LIMK1: variants seen among roughly 807,000 people sequenced by gnomAD.
The protein encoded by LIMK1 is LIM domain kinase 1, also known as LIM motif-containing protein kinase.
A neutral mutation model predicts 77.6 loss-of-function variants in LIMK1; 21 were observed. That is an observed-to-expected ratio of 0.27 (90% CI 0.19 to 0.39). The LOEUF (loss-of-function observed/expected upper bound fraction) is 0.39. Ranked by LOEUF, LIMK1 falls within the 10% of genes least tolerant of loss-of-function variation. LIMK1 has a pLI of 1.00. For missense variants in LIMK1, 696 were observed against 901.6 expected (o/e 0.77, Z 2.92); for synonymous variants, 358 against 370.0 (o/e 0.97, Z 0.37).
chr7:74,097,719 T>C (rs1200504032), intron 4 of LIMK1, among the ~76,000 whole-genome samples: 1 of 152,180 alleles, frequency 6.6e-6, no homozygotes, highest in Non-Finnish European at 1.5e-5. Context: ...TGGCCATGAC[T>C]GCAGCATGGT....
intron 12 of LIMK1, 76 bp downstream of exon 12, chr7:74,112,074 C>G: frequency 2.5e-6 from 3 of 1,203,414 alleles, no homozygotes; most frequent in Non-Finnish European, 3.5e-6. Flanking sequence ...CAGGGCCTTC[C>G]CAGAACTGGA....
chr7:74,103,115 A>G (rs1212907851), intron 5 of LIMK1, among the ~76,000 whole-genome samples: 1 of 151,088 alleles, frequency 6.6e-6, no homozygotes, highest in African/African-American at 2.4e-5. Flanking sequence ...TGATCCACCC[A>G]CCTCAGCCTC....
intron 5 of LIMK1, 54 bp from the exon 6 acceptor site, chr7:74,105,821 G>C: frequency 7.3e-7 from 1 of 1,378,238 alleles, no homozygotes; most frequent in Non-Finnish European, 1.0e-6. Context: ...TTGGTTTCCT[G>C]TTGGGGCTCT....
chr7:74,105,801 G>GC (rs1554697313), intron 5 of LIMK1, 74 bp from the exon 6 acceptor site: 1 of 1,005,358 alleles, frequency 9.9e-7, no homozygotes, highest in Admixed American at 1.9e-5. Flanking sequence ...TGGATCTGGT[G>GC]CCCTTCGCCT....
chr7:74,120,163 T>A (rs1799901030), intron 13 of LIMK1, among the ~76,000 whole-genome samples: 1 of 152,164 alleles, frequency 6.6e-6, no homozygotes, highest in Admixed American at 6.6e-5. Context: ...TGCAGTGGCA[T>A]TTGGGGCCCA....
rs890832391 is a variant in LIMK1, at chr7:74,115,846, G to C, written c.1455G>C (p.Met485Ile). The C allele has an allele frequency of 3.0e-5, 48 of 1,614,050 alleles. No homozygotes were observed. The highest frequency in any genetic ancestry group is 3.6e-5 in the Non-Finnish European group (42 of 1,180,040). The change falls in exon 13 of 16, where the codon ATG becomes ATC. Residue 485 changes from methionine to isoleucine, a missense_variant. Physicochemically the swap from Met to Ile is conservative, Grantham distance 10. Transcript: ENST00000336180. Reference sequence around the variant, plus strand: ...CTGACTTCGGGCTGGCGCGTCTCATGGTGGACGAGAAGACTCAGCCTGAGG... The same window carrying C: ...CTGACTTCGGGCTGGCGCGTCTCATCGTGGACGAGAAGACTCAGCCTGAGG... ...VVADFGLARL[M>I]VDEKTQPEGL...
chr7:74,117,133 G>T (rs547003370), intron 13 of LIMK1, among the ~76,000 whole-genome samples: 2 of 151,986 alleles, frequency 1.3e-5, no homozygotes, highest in African/African-American at 4.8e-5. Flanking sequence ...CGCCCGTCTC[G>T]GCCTCCCAAA....
At chr7:74,120,821 C>T (rs1799919909) in intron 14 of LIMK1, 71 bp from the exon 15 acceptor site, 2 of 1,601,320 alleles carry the variant, frequency 1.2e-6, no homozygotes, top group African/African-American at 2.7e-5. Flanking sequence ...TGCCCTCAAA[C>T]CACCTGGATG....
rs868993478 is a variant in LIMK1, at chr7:74,108,758, G to A, written c.1153-147G>A. 102 of 1,294,380 alleles carry A rather than the reference G, an allele frequency of 7.9e-5. No individual in the cohort carries two copies. In the Middle Eastern group the frequency reaches 2.8e-3, roughly 35 times the overall value. 80.2% of individuals were successfully genotyped at this position (1,294,380 alleles called of 1,614,324 possible). ...AAGCAGAGGGCACAGGACGCCAGAG[G>A]GTGTGGCAGAGGCAGGAGAGGGGAG... On this transcript the variant is annotated intron_variant, in intron 9 of 15. Transcript: ENST00000336180.
intron 5 of LIMK1, among the ~76,000 whole-genome samples, chr7:74,099,457 A>G (rs1405772126): frequency 6.6e-6 from 1 of 152,260 alleles, no homozygotes; most frequent in Non-Finnish European, 1.5e-5. Context: ...TCAACCGGGC[A>G]TGGTGGCCCA....
intron 14 of LIMK1, 71 bp downstream of exon 14, chr7:74,120,709 A>C: frequency 6.4e-7 from 1 of 1,573,744 alleles, no homozygotes; most frequent in Non-Finnish European, 8.7e-7. Context: ...CTGCAGGCTC[A>C]GCATCTGCAG....
chr7:74,089,400 G>A (rs1168132290), intron 2 of LIMK1, among the ~76,000 whole-genome samples: 2 of 152,124 alleles, frequency 1.3e-5, no homozygotes, highest in Non-Finnish European at 2.9e-5. Flanking sequence ...ACTCAAGGGC[G>A]CTGACATGGG....
intron 2 of LIMK1, among the ~76,000 whole-genome samples, chr7:74,090,002 C>G (rs904579489): frequency 3.3e-5 from 5 of 152,060 alleles, no homozygotes; most frequent in African/African-American, 1.2e-4. Flanking sequence ...TGTCCCAAAT[C>G]ACTCACCAGG....
At chr7:74,112,979 G>A (rs537856241) in intron 12 of LIMK1, among the ~76,000 whole-genome samples, 4 of 152,166 alleles carry the variant, frequency 2.6e-5, no homozygotes, top group South Asian at 4.1e-4. Context: ...TGGTGTATTC[G>A]TGTCCTGGGG....
chr7:74,099,594 G>A (rs1294917116), intron 5 of LIMK1, among the ~76,000 whole-genome samples: 17 of 152,082 alleles, frequency 1.1e-4, no homozygotes, highest in Admixed American at 9.8e-4. Context: ...GCCAGGCATG[G>A]TAGTGTGTGC....
At chr7:74,117,965 G>A (rs1364749862) in intron 13 of LIMK1, among the ~76,000 whole-genome samples, 5 of 151,710 alleles carry the variant, frequency 3.3e-5, no homozygotes, top group Admixed American at 2.0e-4. Flanking sequence ...AAAATTACCC[G>A]GGTGTGGTGG....
At chr7:74,102,372 A>T (rs572104185) in intron 5 of LIMK1, among the ~76,000 whole-genome samples, 1 of 151,180 alleles carries the variant, frequency 6.6e-6, no homozygotes, top group African/African-American at 2.4e-5. Flanking sequence ...TGACTTGTTT[A>T]TATTTGTACA....
chr7:74,085,275 C>T (rs1282231591), intron 1 of LIMK1, among the ~76,000 whole-genome samples: 2 of 152,220 alleles, frequency 1.3e-5, no homozygotes, highest in Admixed American at 1.3e-4. Flanking sequence ...AGGCTTCCTG[C>T]CCTTGACCTC....
chr7:74,094,002 C>G (rs1799289452), intron 2 of LIMK1: 1 of 152,338 alleles, frequency 6.6e-6, no homozygotes, highest in South Asian at 2.1e-4. Flanking sequence ...ACTGAGCCAC[C>G]AAGTCAGCCT....
Sources: gnomAD v4.1 joint callset for allele counts (sites outside exome capture counted in the v4.1 genomes callset) on GRCh38, gnomAD v4.1.1 for gene constraint, MANE v1.5 for transcripts, NCBI Gene and HGNC (gene_info 2026-07-23, HGNC 2026-07-21) for gene names.